Variants in SLC5A1 observed in about 807,000 individuals in gnomAD.
SLC5A1 encodes sodium/glucose cotransporter 1.
In SLC5A1, 42 loss-of-function variants were observed where a neutral mutation model predicts 73.5. The ratio of observed to expected loss-of-function variants is 0.57; its 90% CI spans 0.45 to 0.74. The LOEUF is 0.74. SLC5A1 is among the 30% of genes least tolerant of loss of function. The pLI, the probability that SLC5A1 is intolerant of heterozygous loss-of-function variation, is 0.00. For synonymous variants in SLC5A1, 300 were observed against 317.4 expected (o/e 0.95, Z 0.58); for missense variants, 634 against 855.4 (o/e 0.74, Z 3.23).
In SLC5A1 at chr22:32,083,202, G is replaced by A. The variant is rs754006264; in HGVS notation, c.664+48G>A. The A allele has an allele frequency of 3.3e-6, 5 of 1,516,336 alleles. No individual in the cohort carries two copies. The East Asian group carries it at 1.1e-4, about 34-fold the overall frequency. The allele number at this position is 1,516,336 out of a possible 1,614,324, so 93.9% of individuals were successfully genotyped here. ...GAGGAGGTGGGAGCAGAGGTAGAGG[G>A]CCTCAGGAAGAGGAAGGCAAGTCCA... On this transcript the variant is annotated intron_variant, in intron 7 of 14. Transcript: ENST00000266088.
intron 2 of SLC5A1, among the ~76,000 whole-genome samples, chr22:32,060,493 C>T (rs747601599): frequency 2.6e-5 from 4 of 152,134 alleles, no homozygotes; most frequent in Admixed American, 6.5e-5. Flanking sequence ...CTGTGCCCAG[C>T]GGGTAACAGA....
chr22:32,089,142 C>T (rs1328125004), intron 10 of SLC5A1, among the ~76,000 whole-genome samples: 1 of 152,232 alleles, frequency 6.6e-6, no homozygotes, highest in Non-Finnish European at 1.5e-5. Flanking sequence ...AATGGCAGAG[C>T]TAGGGCTGAA....
intron 10 of SLC5A1, among the ~76,000 whole-genome samples, chr22:32,089,090 C>G (rs1472409450): frequency 1.3e-5 from 2 of 152,220 alleles, no homozygotes; most frequent in African/African-American, 4.8e-5. Context: ...GGGGAAAGTT[C>G]TATCCCAGCT....
chr22:32,067,254 A>AT (rs2093975118), intron 3 of SLC5A1, among the ~76,000 whole-genome samples: 1 of 151,732 alleles, frequency 6.6e-6, no homozygotes, highest in African/African-American at 2.4e-5. Flanking sequence ...CAGCAATAGT[A>AT]TTTTTTCTGT....
intron 2 of SLC5A1, among the ~76,000 whole-genome samples, chr22:32,060,385 G>A (rs1332636164): frequency 2.6e-5 from 4 of 151,932 alleles, no homozygotes; most frequent in Admixed American, 6.6e-5. Context: ...GTAGAGATGG[G>A]GTTTCACCAT....
At chr22:32,102,913 T>C (rs2094038987) in intron 13 of SLC5A1, among the ~76,000 whole-genome samples, 1 of 152,216 alleles carries the variant, frequency 6.6e-6, no homozygotes, top group South Asian at 2.1e-4. Context: ...TCATTCTTTT[T>C]ATGGTGGAAT....
chr22:32,084,785 G>A (rs915357733), intron 8 of SLC5A1, 115 bp from the exon 9 acceptor site: 9 of 1,535,418 alleles, frequency 5.9e-6, no homozygotes, highest in African/African-American at 5.5e-5. Flanking sequence ...AAGTTGCCAC[G>A]CCCCAGTGAT....
At chr22:32,085,432 T>A (rs1479500580) in intron 9 of SLC5A1, among the ~76,000 whole-genome samples, 1 of 152,132 alleles carries the variant, frequency 6.6e-6, no homozygotes, top group African/African-American at 2.4e-5. Flanking sequence ...GGCCCTCTTC[T>A]TTATTTGTTA....
chr22:32,089,009 T>C (rs1305719640), intron 10 of SLC5A1, among the ~76,000 whole-genome samples: 2 of 152,250 alleles, frequency 1.3e-5, no homozygotes, highest in African/African-American at 2.4e-5. Flanking sequence ...AATTATGCAC[T>C]GTAAAATTGT....
chr22:32,110,256 T>C lies in SLC5A1; in HGVS notation c.*43T>C, dbSNP rs1340224048. 6.9e-7 allele frequency: 1 copy of C among 1,448,190 alleles called. No individual in the cohort carries two copies. The highest frequency in any genetic ancestry group is 1.4e-5 in the African/African-American group (1 of 71,778). 89.7% of individuals were successfully genotyped at this position (1,448,190 alleles called of 1,614,324 possible). A position where few individuals can be genotyped will look rare whatever the true frequency, so the allele number is the denominator to read the frequency against. On this transcript the variant is annotated 3_prime_UTR_variant, in exon 15 of 15. Coordinates refer to ENST00000266088, the MANE Select transcript of SLC5A1 (RefSeq NM_000343.4). The stretch of plus-strand genomic sequence containing the variant: ...AGATTTACCATGGCTGGACTCTTAC[T>C]CACCTTCCTTTAGTCTCGTCCTGTG...
chr22:32,067,669 G>A (rs1290848936), intron 3 of SLC5A1, among the ~76,000 whole-genome samples: 7 of 152,048 alleles, frequency 4.6e-5, no homozygotes, highest in Non-Finnish European at 8.8e-5. Context: ...TATTATTAAA[G>A]CTCTCTAAAT....
chr22:32,060,014 TACAC>T (rs58053068), intron 2 of SLC5A1, among the ~76,000 whole-genome samples: 24,074 of 137,320 alleles, frequency 0.18, 2,055 homozygotes, highest in South Asian at 0.24. Context: ...GCCATGGTTA[TACAC>T]ACACACACAC....
At chr22:32,055,495 A>G (rs574846411) in intron 2 of SLC5A1, among the ~76,000 whole-genome samples, 5 of 152,318 alleles carry the variant, frequency 3.3e-5, no homozygotes, top group African/African-American at 1.2e-4. Context: ...AAGGTGAAGA[A>G]GGAATATGAA....
Position 32,099,863 on chromosome 22 carries a change from G to A in SLC5A1, c.1449+512G>A, listed in dbSNP as rs181719150. Among the ~76,000 whole-genome samples the A allele has an allele frequency of 2.0e-5, 3 of 152,218 alleles. No homozygotes were observed. The East Asian group carries it at 5.8e-4, about 29-fold the overall frequency. ...CGGCTTTCCAGCCAGCACCTCTCAGGGCCCAGTGAAGACAAAGTCCTGGTG... is the reference window on the plus strand; with the variant it reads ...CGGCTTTCCAGCCAGCACCTCTCAGAGCCCAGTGAAGACAAAGTCCTGGTG... On this transcript the variant is annotated intron_variant, in intron 12 of 14. Transcript: ENST00000266088.
At chr22:32,105,026 G>C in intron 14 of SLC5A1, 135 bp downstream of exon 14, 1 of 717,638 alleles carries the variant, frequency 1.4e-6, no homozygotes, top group Non-Finnish European at 2.5e-6. Flanking sequence ...GAGTAGGGTG[G>C]GGATGAGATG....
chr22:32,086,300 A>G lies in SLC5A1; in HGVS notation c.1102A>G (p.Thr368Ala), dbSNP rs2094008212. 1 of 1,613,308 alleles carries G rather than the reference A, an allele frequency of 6.2e-7. No individual in the cohort carries two copies. The highest frequency in any genetic ancestry group is 8.5e-7 in the Non-Finnish European group (1 of 1,179,278). ...TGGCTGTACCAACATCGCCTATCCAACCTTAGTGGTGGAGCTCATGCCCAA... is the reference window on the plus strand; with the variant it reads ...TGGCTGTACCAACATCGCCTATCCAGCCTTAGTGGTGGAGCTCATGCCCAA... Reference protein sequence around the residue: ...KVGCTNIAYPTLVVELMPNGL... With the variant: ...KVGCTNIAYPALVVELMPNGL... Residue 368 changes from threonine to alanine, a missense_variant, in exon 10 of 15, where the codon ACC (threonine) becomes GCC (alanine). This residue lies in a region of SLC5A1 where 422 missense variants were observed against 626.1 expected (regional missense o/e 0.67). Coordinates refer to ENST00000266088, the MANE Select transcript of SLC5A1 (RefSeq NM_000343.4).
intron 2 of SLC5A1, among the ~76,000 whole-genome samples, chr22:32,060,012 T>TACAC (rs1491437657): frequency 2.2e-5 from 2 of 92,380 alleles, no homozygotes; most frequent in Non-Finnish European, 4.5e-5. Context: ...GGGCCATGGT[T>TACAC]ATACACACAC....
At chr22:32,064,459 C>T (rs2149487121) in intron 2 of SLC5A1, among the ~76,000 whole-genome samples, 1 of 151,110 alleles carries the variant, frequency 6.6e-6, no homozygotes, top group African/African-American at 2.4e-5. Context: ...TGGACCACTG[C>T]ACTCCAGCCT....
intron 9 of SLC5A1, among the ~76,000 whole-genome samples, chr22:32,085,439 G>T (rs1234378312): frequency 6.6e-6 from 1 of 151,108 alleles, no homozygotes; most frequent in Non-Finnish European, 1.5e-5. Flanking sequence ...TTCTTTATTT[G>T]TTATGGTCAT....
Sources: allele counts gnomAD v4.1 joint callset (sites outside exome capture counted in the v4.1 genomes callset), GRCh38; gene constraint gnomAD v4.1.1; regional missense constraint gnomAD v4.1.1; transcripts MANE v1.5; gene names NCBI Gene and HGNC (gene_info 2026-07-23, HGNC 2026-07-21).